Variants in MLIP observed in about 807,000 individuals in gnomAD.
The protein encoded by MLIP is muscular LMNA-interacting protein.
Under a neutral mutation model 84.8 loss-of-function variants are expected in MLIP, and 79 were observed. The observed-to-expected ratio is 0.93, with a 90% CI of 0.78 to 1.12. The LOEUF (loss-of-function observed/expected upper bound fraction) is 1.12, where lower values mean the gene tolerates loss of function less well. MLIP is among the 50% of genes most tolerant of loss of function. MLIP has a pLI of 0.00. For missense variants in MLIP, 1,257 were observed against 1,160.6 expected (o/e 1.08, Z -1.21); for synonymous variants, 504 against 463.0 (o/e 1.09, Z -1.14).
chr6:54,136,269 G>A (rs1317340563), intron 3 of MLIP, among the ~76,000 whole-genome samples: 2 of 152,132 alleles, frequency 1.3e-5, no homozygotes, highest in African/African-American at 4.8e-5. Context: ...CACTTGAAGT[G>A]TGTTAAAGTT....
chr6:54,217,505 T>A (rs539100538), intron 11 of MLIP: 325 of 985,338 alleles, frequency 3.3e-4, no homozygotes, highest in Admixed American at 2.1e-3. Context: ...TAAATTAATA[T>A]ATTCACTGCA....
At chr6:54,182,765 C>T (rs1347258957) in intron 9 of MLIP, among the ~76,000 whole-genome samples, 4 of 152,038 alleles carry the variant, frequency 2.6e-5, no homozygotes, top group Non-Finnish European at 5.9e-5. Context: ...AATTCAAAAC[C>T]ATAGTATGCT....
At chr6:54,220,905 T>TAA (rs1429686044) in intron 11 of MLIP, among the ~76,000 whole-genome samples, 2 of 151,256 alleles carry the variant, frequency 1.3e-5, no homozygotes, top group African/African-American at 4.9e-5. Context: ...AGGTAACCTA[T>TAA]AACGACAAAG....
intron 5 of MLIP, among the ~76,000 whole-genome samples, chr6:54,149,930 C>T (rs546207687): frequency 2.6e-5 from 4 of 152,140 alleles, no homozygotes; most frequent in South Asian, 2.1e-4. Flanking sequence ...TGAAATTATT[C>T]ATTTCATATA....
upstream of MLIP, chr6:54,111,353 G>A: frequency 7.1e-7 from 1 of 1,412,476 alleles, no homozygotes; most frequent in Non-Finnish European, 9.2e-7. Flanking sequence ...CCTCAATTTT[G>A]GAATGACTCT....
At chr6:54,233,152 G>A (rs1387476561) in intron 12 of MLIP, among the ~76,000 whole-genome samples, 1 of 152,112 alleles carries the variant, frequency 6.6e-6, no homozygotes, top group Non-Finnish European at 1.5e-5. Context: ...CCTCATGAAG[G>A]AAGTCATTCC....
chr6:54,254,872 G>GC (rs1350710485), intron 12 of MLIP, among the ~76,000 whole-genome samples: 1 of 147,672 alleles, frequency 6.8e-6, no homozygotes. Flanking sequence ...TTGCACATCA[G>GC]CCACAGTAAC....
At chr6:54,211,162 G>A (rs1779425890) in intron 11 of MLIP, among the ~76,000 whole-genome samples, 1 of 152,042 alleles carries the variant, frequency 6.6e-6, no homozygotes, top group Non-Finnish European at 1.5e-5. Flanking sequence ...ATCGCTTGAG[G>A]TTACTGTGAG....
intron 5 of MLIP, among the ~76,000 whole-genome samples, chr6:54,151,162 AT>A (rs534750162): frequency 2.6e-5 from 4 of 151,606 alleles, no homozygotes; most frequent in South Asian, 4.2e-4. Flanking sequence ...TGTTAAGTGA[AT>A]TTTTTTTTCT....
chr6:54,075,300 T>C (rs1294945847), intron 1 of MLIP, among the ~76,000 whole-genome samples: 1 of 149,336 alleles, frequency 6.7e-6, no homozygotes, highest in African/African-American at 2.5e-5. Context: ...ATCAGGGAAA[T>C]GCCTATGTGC....
intron 1 of MLIP, among the ~76,000 whole-genome samples, chr6:54,103,424 C>T (rs1239262512): frequency 5.3e-5 from 8 of 152,170 alleles, no homozygotes; most frequent in East Asian, 1.9e-4. Context: ...TCAGTTTGTG[C>T]GATAAATTCT....
intron 1 of MLIP, among the ~76,000 whole-genome samples, chr6:54,063,546 T>C (rs1380989867): frequency 1.3e-5 from 2 of 152,230 alleles, no homozygotes; most frequent in African/African-American, 4.8e-5. Flanking sequence ...ATCCTTTAGG[T>C]GTAAATGTAC....
chr6:54,177,325 A>G (rs1474950779), intron 9 of MLIP, among the ~76,000 whole-genome samples: 1 of 152,184 alleles, frequency 6.6e-6, no homozygotes, highest in Non-Finnish European at 1.5e-5. Context: ...CAGAATCTAC[A>G]AGGAACTTAA....
At chr6:54,049,681 C>T (rs937806485) in intron 1 of MLIP, among the ~76,000 whole-genome samples, 16 of 152,194 alleles carry the variant, frequency 1.1e-4, no homozygotes, top group Middle Eastern at 6.8e-3. Flanking sequence ...CTACTTACCC[C>T]CAATCTCCAA....
chr6:54,136,804 CG>C lies in MLIP; in HGVS notation c.736del (p.Asp246ThrfsTer11). On this transcript the variant is annotated frameshift_variant, in exon 4 of 14. Coordinates refer to ENST00000502396, the MANE Select transcript of MLIP (RefSeq NM_001281747.2). LOFTEE classifies it high-confidence loss of function. ...VSPTNPNTPP[D>X]PVNLEGASVL... The stretch of plus-strand genomic sequence containing the variant: ...CTCCAACTAATCCGAACACACCACC[CG>C]ACCCAGTTAACCTCGAGGGAGCCTC... 1 of 1,529,456 alleles carries C rather than the reference CG, an allele frequency of 6.5e-7. No homozygotes were observed. Among genetic ancestry groups the C allele is most frequent in the South Asian group, 1.2e-5 (1 of 83,936 alleles). 94.7% of individuals were successfully genotyped at this position (1,529,456 alleles called of 1,614,324 possible).
chr6:54,089,444 G>A (rs1167227440), intron 1 of MLIP, among the ~76,000 whole-genome samples: 1 of 152,038 alleles, frequency 6.6e-6, no homozygotes, highest in Non-Finnish European at 1.5e-5. Flanking sequence ...TCTTTTCAAG[G>A]AGTACAGAAT....
At position 54,154,547 on chromosome 6, in the gene MLIP, G is replaced by A. The variant is rs1050010078; in HGVS notation, c.2289+5420G>A. 2.0e-5 allele frequency among the ~76,000 whole-genome samples: 3 copies of A among 152,132 alleles called. 1 individual carries two copies. In the South Asian group the frequency reaches 6.2e-4, roughly 31 times the overall value. ...AAAGAAGCCAAGTAAATTCCCTAAA[G>A]CATCAAGGTTACTAAGTTGCTAAAT... On this transcript the variant is annotated intron_variant, in intron 5 of 13. Transcript: ENST00000502396.
At position 54,265,993 on chromosome 6, in the gene MLIP, T is replaced by G. The variant is rs1195307329; in HGVS notation, c.*38T>G. Reference sequence around the variant, plus strand: ...GGCTGAAAACACAGGCTGCTGAAGTTTTTTGGAATGCTGGTGCTAACCACT... The same window carrying G: ...GGCTGAAAACACAGGCTGCTGAAGTGTTTTGGAATGCTGGTGCTAACCACT... On this transcript the variant is annotated 3_prime_UTR_variant, in exon 14 of 14. Transcript: ENST00000502396. 6.2e-7 allele frequency: 1 copy of G among 1,609,772 alleles called. No individual in the cohort carries two copies. The highest frequency in any genetic ancestry group is 1.3e-5 in the African/African-American group (1 of 74,692).
intron 5 of MLIP, 113 bp downstream of exon 5, chr6:54,149,240 T>A: frequency 1.1e-6 from 1 of 894,636 alleles, no homozygotes; most frequent in Non-Finnish European, 1.7e-6. Context: ...TTTACTAAAA[T>A]AACATTCCAT....
Sources: allele counts gnomAD v4.1 joint callset (sites outside exome capture counted in the v4.1 genomes callset), GRCh38; gene constraint gnomAD v4.1.1; transcripts MANE v1.5; gene names NCBI Gene and HGNC (gene_info 2026-07-23, HGNC 2026-07-21).